Variants in GABBR2 observed in about 807,000 individuals in gnomAD.
GABBR2 encodes gamma-aminobutyric acid type B receptor subunit 2.
Under a neutral mutation model 105.6 loss-of-function variants are expected in GABBR2, and 23 were observed. That is an observed-to-expected ratio of 0.22 (90% CI 0.16 to 0.31). GABBR2 has a LOEUF of 0.31. GABBR2 is among the 10% of genes least tolerant of loss of function. The pLI is 1.00. For synonymous variants in GABBR2, 478 were observed against 499.7 expected (o/e 0.96, Z 0.58); for missense variants, 734 against 1,245.5 (o/e 0.59, Z 6.18).
intron 2 of GABBR2, among the ~76,000 whole-genome samples, chr9:98,545,849 C>T (rs1828387939): frequency 1.3e-5 from 2 of 152,140 alleles, no homozygotes; most frequent in Admixed American, 1.3e-4. Flanking sequence ...GGCCTTCTTC[C>T]CCTAGCACAG....
intron 2 of GABBR2, among the ~76,000 whole-genome samples, chr9:98,559,817 A>T (rs1193064374): frequency 6.6e-6 from 1 of 152,106 alleles, no homozygotes; most frequent in African/African-American, 2.4e-5. Context: ...GTACATCCAT[A>T]CAAAGCAGGG....
In GABBR2 at chr9:98,436,348, CATATATATAT is replaced by C. The variant is rs1158239322; in HGVS notation, c.1236+17623_1236+17632del. Among the ~76,000 whole-genome samples, 38 of 7,598 alleles carry C rather than the reference CATATATATAT, an allele frequency of 5.0e-3. 3 individuals carry two copies. Among genetic ancestry groups the C allele is most frequent in the Non-Finnish European group, 7.2e-3 (26 of 3,592 alleles). The allele number at this position is 7,598 out of a possible 152,430, so 5.0% of individuals were successfully genotyped here. ...TATATATATACACACACACACACAC[CATATATATAT>C]ATATATATATATATATATATATATA... On this transcript the variant is annotated intron_variant, in intron 7 of 18. Coordinates refer to ENST00000259455, the MANE Select transcript of GABBR2 (RefSeq NM_005458.8).
In GABBR2 at chr9:98,541,567, C is replaced by CA. The variant is rs146269318; in HGVS notation, c.630+305dup. On this transcript the variant is annotated intron_variant, in intron 3 of 18. Transcript: ENST00000259455. The stretch of plus-strand genomic sequence containing the variant: ...GTAGAACTTTGTGATCTTAGATGGT[C>CA]ACGACAGCATCAGTAACAAAGACAA... 0.087 allele frequency among the ~76,000 whole-genome samples: 13,250 copies of CA among 152,092 alleles called. 788 individuals carry two copies. The highest frequency in any genetic ancestry group is 0.16 in the South Asian group (761 of 4,802).
intron 13 of GABBR2, among the ~76,000 whole-genome samples, chr9:98,327,520 A>G (rs973870311): frequency 3.3e-5 from 5 of 152,164 alleles, no homozygotes; most frequent in African/African-American, 1.2e-4. Context: ...TAGCCAAAGA[A>G]GTTTTGGAAA....
chr9:98,425,259 G>A (rs534079889), intron 7 of GABBR2, among the ~76,000 whole-genome samples: 8 of 152,202 alleles, frequency 5.3e-5, no homozygotes, highest in South Asian at 2.1e-4. Flanking sequence ...TAACAGAGCC[G>A]AGCCTTCCCT....
At chr9:98,478,339 C>T (rs1451655308) in intron 5 of GABBR2, among the ~76,000 whole-genome samples, 2 of 152,052 alleles carry the variant, frequency 1.3e-5, no homozygotes, top group Admixed American at 6.6e-5. Context: ...CTTGATCCAG[C>T]GTGAAAACAT....
chr9:98,423,724 T>G (rs936108726), intron 7 of GABBR2, among the ~76,000 whole-genome samples: 17 of 152,214 alleles, frequency 1.1e-4, no homozygotes, highest in African/African-American at 4.1e-4. Flanking sequence ...TCTTCTAGGG[T>G]TTTTATGGTT....
chr9:98,428,600 G>A (rs530349078), intron 7 of GABBR2, among the ~76,000 whole-genome samples: 1 of 152,318 alleles, frequency 6.6e-6, no homozygotes, highest in Non-Finnish European at 1.5e-5. Context: ...CTGTGAAGAT[G>A]GCTCTATGCA....
intron 1 of GABBR2, among the ~76,000 whole-genome samples, chr9:98,612,506 A>G (rs1174100998): frequency 1.3e-5 from 2 of 152,166 alleles, no homozygotes; most frequent in Non-Finnish European, 2.9e-5. Flanking sequence ...GTACATTCTA[A>G]TGTGCTGTCA....
intron 1 of GABBR2, chr9:98,608,023 G>T (rs1194381169): frequency 1.1e-5 from 14 of 1,296,336 alleles, no homozygotes; most frequent in Admixed American, 1.9e-5. Flanking sequence ...GAGGAAAAAC[G>T]TCATCAGTTA....
chr9:98,516,319 A>C (rs1008899716), intron 3 of GABBR2: 3 of 152,154 alleles, frequency 2.0e-5, no homozygotes, highest in African/African-American at 7.2e-5. Flanking sequence ...AGGCAGAGTG[A>C]GTGCTGACAC....
chr9:98,520,848 C>T (rs767530714), intron 3 of GABBR2, among the ~76,000 whole-genome samples: 1 of 152,132 alleles, frequency 6.6e-6, no homozygotes, highest in African/African-American at 2.4e-5. Context: ...AGACTGGCAA[C>T]ACCATGTTTG....
chr9:98,426,448 C>A (rs1481311369), intron 7 of GABBR2, among the ~76,000 whole-genome samples: 2 of 152,216 alleles, frequency 1.3e-5, no homozygotes, highest in Non-Finnish European at 2.9e-5. Context: ...CTAGGACAGT[C>A]TCCCAGGCTC....
In GABBR2 at chr9:98,288,493, T is replaced by TTTTG. The variant is rs1006641273; in HGVS notation, c.*2087_*2090dup. 1 of 152,636 alleles carries TTTTG rather than the reference T, an allele frequency of 6.6e-6. No homozygotes were observed. The highest frequency in any genetic ancestry group is 1.5e-5 in the Non-Finnish European group (1 of 68,042). The allele number at this position is 152,636 out of a possible 1,614,324, so 9.5% of individuals were successfully genotyped here. A position where few individuals can be genotyped will look rare whatever the true frequency, so the allele number is the denominator to read the frequency against. ...AGGCTCACCTCCGACAGTCCAATAC[T>TTTTG]TTTGTTTGTTTTCCTGCTATGCTGG... On this transcript the variant is annotated 3_prime_UTR_variant, in exon 19 of 19. Coordinates refer to ENST00000259455, the MANE Select transcript of GABBR2 (RefSeq NM_005458.8).
At chr9:98,509,776 G>T (rs113020068) in intron 3 of GABBR2, among the ~76,000 whole-genome samples, 17,356 of 152,280 alleles carry the variant, frequency 0.11, 1,652 homozygotes, top group East Asian at 0.5. Flanking sequence ...TATGTGAAAA[G>T]ACCAGATCTA....
intron 1 of GABBR2, among the ~76,000 whole-genome samples, chr9:98,618,952 T>C (rs1829631250): frequency 6.6e-6 from 1 of 152,212 alleles, no homozygotes; most frequent in Non-Finnish European, 1.5e-5. Flanking sequence ...TGGCCTGACT[T>C]TTCTTTTAAA....
intron 7 of GABBR2, among the ~76,000 whole-genome samples, chr9:98,429,233 G>A (rs543710694): frequency 2.6e-5 from 4 of 151,890 alleles, no homozygotes; most frequent in Admixed American, 6.6e-5. Flanking sequence ...TCCACCTCCC[G>A]AGTTCAAGCG....
intron 7 of GABBR2, among the ~76,000 whole-genome samples, chr9:98,411,475 G>A (rs1247392447): frequency 6.6e-6 from 1 of 152,126 alleles, no homozygotes; most frequent in African/African-American, 2.4e-5. Context: ...TATGAAATGA[G>A]AATAGCCAGG....
chr9:98,506,511 G>A (rs1198063342), intron 3 of GABBR2, among the ~76,000 whole-genome samples: 1 of 152,164 alleles, frequency 6.6e-6, no homozygotes, highest in Non-Finnish European at 1.5e-5. Context: ...AACTTCGCAA[G>A]GGCTGGGCTG....
Sources: gnomAD v4.1 joint callset for allele counts (sites outside exome capture counted in the v4.1 genomes callset) on GRCh38, gnomAD v4.1.1 for gene constraint, MANE v1.5 for transcripts, NCBI Gene and HGNC (gene_info 2026-07-23, HGNC 2026-07-21) for gene names.